CSMD2: variants seen among roughly 807,000 people sequenced by gnomAD.
CSMD2 encodes the protein CUB and sushi domain-containing protein 2.
CSMD2 carries 130 observed loss-of-function variants against 398.5 expected under a neutral mutation model. The ratio of observed to expected loss-of-function variants is 0.33; its 90% CI spans 0.28 to 0.38. The LOEUF (loss-of-function observed/expected upper bound fraction) is 0.38. CSMD2 is among the 10% of genes least tolerant of loss of function. The pLI is 1.00. For synonymous variants in CSMD2, 1,828 were observed against 1,908.5 expected (o/e 0.96, Z 1.10); for missense variants, 3,829 against 4,764.9 (o/e 0.80, Z 5.78).
chr1:33,553,730 T>G (rs190762473), intron 55 of CSMD2, among the ~76,000 whole-genome samples: 1 of 152,320 alleles, frequency 6.6e-6, no homozygotes, highest in East Asian at 1.9e-4. Flanking sequence ...GAAGGGCTGC[T>G]TCCGTGAATA....
chr1:33,743,440 G>A lies in CSMD2; in HGVS notation c.2013C>T (p.Phe671=), dbSNP rs1647152443. Residue 671 remains phenylalanine (F), a synonymous_variant, in exon 14 of 71, where the codon TTC becomes TTT. Coordinates refer to ENST00000373381, the MANE Select transcript of CSMD2 (RefSeq NM_001281956.2). ...CGGTGGCCCCATCCTTGATGACCAG[G>A]AAATCAAACTGAGGCTCCACGTCAA... The part of the protein sequence containing the change: ...NDIDVEPQFD[F]LVIKDGATAE... 1 of 1,614,222 alleles carries A rather than the reference G, an allele frequency of 6.2e-7. No individual in the cohort carries two copies. Among genetic ancestry groups the A allele is most frequent in the East Asian group, 2.2e-5 (1 of 44,882 alleles).
At chr1:33,820,614 C>CAGGG (rs1207616510) in intron 7 of CSMD2, 58 bp from the exon 8 acceptor site, 6 of 1,177,184 alleles carry the variant, frequency 5.1e-6, no homozygotes, top group Admixed American at 2.0e-5. Context: ...TGGACAGTCA[C>CAGGG]AGGGAGGCAC....
intron 5 of CSMD2, among the ~76,000 whole-genome samples, chr1:33,866,680 C>T (rs1640061439): frequency 6.6e-6 from 1 of 152,214 alleles, no homozygotes; most frequent in South Asian, 2.1e-4. Flanking sequence ...AGCTATCCCC[C>T]TCCTGCTCTT....
chr1:33,709,187 T>C lies in CSMD2; in HGVS notation c.3478A>G (p.Asn1160Asp). 1 of 1,614,134 alleles carries C rather than the reference T, an allele frequency of 6.2e-7. No individual in the cohort carries two copies. The highest frequency in any genetic ancestry group is 8.5e-7 in the Non-Finnish European group (1 of 1,179,966). The change falls in exon 22 of 71, where the codon AAC (asparagine) becomes GAC (aspartate). Residue 1160 changes from asparagine to aspartate, a missense_variant. By Grantham distance (23) the Asn-to-Asp change is conservative. This residue lies in a region of CSMD2 where 2,001 missense variants were observed against 2,567.1 expected (regional missense o/e 0.78). Coordinates refer to ENST00000373381, the MANE Select transcript of CSMD2 (RefSeq NM_001281956.2). ...ATGGAGTAGATGCATTCATGATTGTTATTGTAGTTCACAGGAAAGTTGGGG... is the reference window on the plus strand; with the variant it reads ...ATGGAGTAGATGCATTCATGATTGTCATTGTAGTTCACAGGAAAGTTGGGG... ...LSPNFPVNYN[N>D]NHECIYSIQT... is the part of the protein sequence containing the mutation.
intron 3 of CSMD2, among the ~76,000 whole-genome samples, chr1:33,966,582 G>GCT (rs1374527374): frequency 6.6e-6 from 1 of 152,164 alleles, no homozygotes; most frequent in Non-Finnish European, 1.5e-5. Flanking sequence ...AGAGCCAACT[G>GCT]CCCAGGGTGG....
intron 53 of CSMD2, among the ~76,000 whole-genome samples, chr1:33,566,591 A>G (rs1265525317): frequency 1.3e-5 from 2 of 152,344 alleles, no homozygotes; most frequent in South Asian, 4.1e-4. Flanking sequence ...AGGCTAAAAT[A>G]GAATGGTCAA....
At chr1:33,934,253 T>C (rs1043514306) in intron 4 of CSMD2, among the ~76,000 whole-genome samples, 4 of 152,224 alleles carry the variant, frequency 2.6e-5, no homozygotes, top group African/African-American at 9.7e-5. Context: ...GATATATGGA[T>C]GTTCAGGATC....
chr1:33,721,066 G>A (rs1646343806), intron 19 of CSMD2, among the ~76,000 whole-genome samples: 1 of 152,198 alleles, frequency 6.6e-6, no homozygotes, highest in Non-Finnish European at 1.5e-5. Flanking sequence ...TTCTAAGGAA[G>A]AAGTGATCTG....
At chr1:33,885,686 G>A (rs1195384220) in intron 5 of CSMD2, among the ~76,000 whole-genome samples, 1 of 152,142 alleles carries the variant, frequency 6.6e-6, no homozygotes, top group Admixed American at 6.5e-5. Flanking sequence ...TGTCTGGTTG[G>A]CAGCAAGCTC....
At chr1:34,036,635 G>T (rs986465003) in intron 2 of CSMD2, among the ~76,000 whole-genome samples, 7 of 152,178 alleles carry the variant, frequency 4.6e-5, no homozygotes, top group South Asian at 2.1e-4. Flanking sequence ...GTGATAAAAT[G>T]ACACAGAAGT....
chr1:33,991,210 T>C (rs1646543634), intron 3 of CSMD2, among the ~76,000 whole-genome samples: 1 of 152,058 alleles, frequency 6.6e-6, no homozygotes, highest in African/African-American at 2.4e-5. Flanking sequence ...TCTTGCTATG[T>C]TTTCCCAGCT....
chr1:33,771,417 C>T (rs1384577125), intron 13 of CSMD2, among the ~76,000 whole-genome samples: 1 of 152,004 alleles, frequency 6.6e-6, no homozygotes, highest in East Asian at 1.9e-4. Context: ...AGATATCATG[C>T]AATTTATTTT....
At chr1:34,016,199 A>T (rs1226045805) in intron 3 of CSMD2, among the ~76,000 whole-genome samples, 1 of 152,136 alleles carries the variant, frequency 6.6e-6, no homozygotes, top group African/African-American at 2.4e-5. Context: ...CAGGTTTGTT[A>T]CACAGGTATA....
Position 34,139,457 on chromosome 1 carries a change from A to C in CSMD2, c.187+25454T>G, listed in dbSNP as rs369076532. 2.6e-5 allele frequency among the ~76,000 whole-genome samples: 4 copies of C among 152,190 alleles called. No individual in the cohort carries two copies. In the South Asian group the frequency reaches 6.2e-4, roughly 24 times the overall value. ...TAAGAGATAAATTCCTTTTCTTTAT[A>C]AATTATCCGTCTTCAGGTAATTTTG... On this transcript the variant is annotated intron_variant, in intron 1 of 70. Transcript: ENST00000373381.
intron 10 of CSMD2, among the ~76,000 whole-genome samples, chr1:33,798,270 A>C (rs1655184517): frequency 6.6e-6 from 1 of 152,230 alleles, no homozygotes; most frequent in Non-Finnish European, 1.5e-5. Flanking sequence ...CACCCAATTT[A>C]AACCCATTAG....
intron 29 of CSMD2, among the ~76,000 whole-genome samples, chr1:33,637,944 G>A (rs928179516): frequency 6.6e-6 from 1 of 152,166 alleles, no homozygotes; most frequent in Non-Finnish European, 1.5e-5. Context: ...CTACACAGGA[G>A]GCGGCCACTA....
chr1:33,709,571 T>C (rs1645916010), intron 21 of CSMD2: 5 of 450,468 alleles, frequency 1.1e-5, no homozygotes. Flanking sequence ...AAAGCAGCCG[T>C]GCCACATACC....
chr1:33,614,406 T>G lies in CSMD2; in HGVS notation c.6133+98A>C. 3 of 733,742 alleles carry G rather than the reference T, an allele frequency of 4.1e-6. No homozygotes were observed. In the East Asian group the frequency reaches 8.0e-5, roughly 20 times the overall value. The allele number at this position is 733,742 out of a possible 1,614,324, so 45.5% of individuals were successfully genotyped here. On this transcript the variant is annotated intron_variant, in intron 40 of 70. Coordinates refer to ENST00000373381, the MANE Select transcript of CSMD2 (RefSeq NM_001281956.2). The stretch of plus-strand genomic sequence containing the variant: ...AGAGAGGCAGAGTACTAAACAGACT[T>G]GGCCCAAGTTTGTGCTAAGAGATTT...
intron 1 of CSMD2, among the ~76,000 whole-genome samples, chr1:34,121,934 G>A (rs1662225859): frequency 6.6e-6 from 1 of 151,696 alleles, no homozygotes. Context: ...GGCACGCCTT[G>A]ATCTTGGATA....
Sources: allele counts gnomAD v4.1 joint callset (sites outside exome capture counted in the v4.1 genomes callset), GRCh38; gene constraint gnomAD v4.1.1; regional missense constraint gnomAD v4.1.1; transcripts MANE v1.5; gene names NCBI Gene and HGNC (gene_info 2026-07-23, HGNC 2026-07-21).